The following CCBE1 variants were observed in gnomAD, a reference collection of about 807,000 sequenced individuals.
CCBE1 encodes the protein collagen and calcium binding EGF domains 1.
In CCBE1, 37 loss-of-function variants were observed where a neutral mutation model predicts 50.0. The observed-to-expected ratio is 0.74, with a 90% CI of 0.57 to 0.97. The LOEUF is 0.97. Ranked by LOEUF, CCBE1 falls within the 50% of genes least tolerant of loss-of-function variation. The pLI is 0.00. For missense variants in CCBE1, 538 were observed against 523.8 expected, an observed-to-expected ratio of 1.03 and a Z score of -0.26; for synonymous variants, 234 against 203.7, an observed-to-expected ratio of 1.15 and a Z score of -1.27.
At chr18:59,565,405 A>G (rs1456815451) in intron 2 of CCBE1, among the ~76,000 whole-genome samples, 3 of 107,868 alleles carry the variant, frequency 2.8e-5, no homozygotes, top group Non-Finnish European at 5.4e-5. Context: ...CCACAGCAAG[A>G]AAGATGTGGT....
intron 2 of CCBE1, among the ~76,000 whole-genome samples, chr18:59,541,148 T>A (rs1309920180): frequency 6.6e-6 from 1 of 152,224 alleles, no homozygotes; most frequent in Non-Finnish European, 1.5e-5. Flanking sequence ...TATGGTAGCT[T>A]TGCAAAACAC....
chr18:59,665,919 T>A (rs768643035), intron 2 of CCBE1, among the ~76,000 whole-genome samples: 15 of 152,150 alleles, frequency 9.9e-5, no homozygotes, highest in Non-Finnish European at 1.5e-4. Flanking sequence ...ATAGAATATA[T>A]CATGTACAAA....
At chr18:59,653,042 A>G (rs972497597) in intron 2 of CCBE1, among the ~76,000 whole-genome samples, 1 of 152,172 alleles carries the variant, frequency 6.6e-6, no homozygotes, top group African/African-American at 2.4e-5. Flanking sequence ...ATAGAAAACT[A>G]TGAAAAGGCA....
At chr18:59,535,634 A>T (rs1296152337) in intron 2 of CCBE1, among the ~76,000 whole-genome samples, 1 of 152,242 alleles carries the variant, frequency 6.6e-6, no homozygotes, top group African/African-American at 2.4e-5. Context: ...ATTTGGAAGC[A>T]ACCCAAATGT....
intron 2 of CCBE1, among the ~76,000 whole-genome samples, chr18:59,612,660 T>C (rs1424323674): frequency 6.6e-6 from 1 of 152,112 alleles, no homozygotes; most frequent in Non-Finnish European, 1.5e-5. Context: ...CACCAGCCAA[T>C]AAGTAATGGA....
intron 2 of CCBE1, among the ~76,000 whole-genome samples, chr18:59,671,708 G>C (rs1366885590): frequency 6.6e-6 from 1 of 151,050 alleles, no homozygotes; most frequent in Non-Finnish European, 1.5e-5. Context: ...TTGAGTGAGG[G>C]ATGAGGTGAT....
chr18:59,654,652 C>T (rs1599105250), intron 2 of CCBE1, among the ~76,000 whole-genome samples: 1 of 151,832 alleles, frequency 6.6e-6, no homozygotes, highest in East Asian at 1.9e-4. Flanking sequence ...ATTAGCCGGG[C>T]ATGGTCGCAC....
chr18:59,609,231 C>G (rs935062069), intron 2 of CCBE1, among the ~76,000 whole-genome samples: 2 of 152,212 alleles, frequency 1.3e-5, no homozygotes, highest in Non-Finnish European at 2.9e-5. Flanking sequence ...CATCTACTTC[C>G]TTGGCTTCAA....
chr18:59,559,111 C>G lies in CCBE1; in HGVS notation c.213-78873G>C, dbSNP rs118051458. The stretch of plus-strand genomic sequence containing the variant: ...TGGCTGCAGCATGGGCTATGGTACT[C>G]AGTGGCAGTGGTGCTGCTTGGATGA... On this transcript the variant is annotated intron_variant, in intron 2 of 10. Coordinates refer to ENST00000439986, the MANE Select transcript of CCBE1 (RefSeq NM_133459.4). Among the ~76,000 whole-genome samples, 391 of 152,308 alleles carry G rather than the reference C, an allele frequency of 2.6e-3. 12 individuals are homozygous for G. The South Asian group carries it at 0.041, about 16-fold the overall frequency.
chr18:59,485,443 T>C (rs1912769400), intron 2 of CCBE1, among the ~76,000 whole-genome samples: 1 of 152,018 alleles, frequency 6.6e-6, no homozygotes, highest in Admixed American at 6.6e-5. Context: ...TCCTATAGTA[T>C]TAGAAGACTA....
chr18:59,691,619 T>C lies in CCBE1; in HGVS notation c.212+5010A>G, dbSNP rs545130251. 2.6e-5 allele frequency among the ~76,000 whole-genome samples: 4 copies of C among 152,332 alleles called. No individual in the cohort carries two copies. The East Asian group carries it at 7.7e-4, about 29-fold the overall frequency. On this transcript the variant is annotated intron_variant, in intron 2 of 10. Coordinates refer to ENST00000439986, the MANE Select transcript of CCBE1 (RefSeq NM_133459.4). ...CGGGGTTTCACCATGTTGGCCAGGC[T>C]GGTCTCAAACTCCTGACCTCGTGAT...
chr18:59,610,759 G>A (rs572923293), intron 2 of CCBE1, among the ~76,000 whole-genome samples: 1 of 142,624 alleles, frequency 7.0e-6, no homozygotes, highest in African/African-American at 2.5e-5. Context: ...CATGAGGAAC[G>A]GAGCCTCACA....
At chr18:59,588,840 C>G (rs1387711878) in intron 2 of CCBE1, among the ~76,000 whole-genome samples, 2 of 152,152 alleles carry the variant, frequency 1.3e-5, no homozygotes, top group African/African-American at 4.8e-5. Flanking sequence ...AGTGGAAGAC[C>G]ACCTGTGAGG....
In CCBE1 at chr18:59,507,832, T is replaced by G. The variant is rs113022968; in HGVS notation, c.213-27594A>C. Among the ~76,000 whole-genome samples, 938 of 152,326 alleles carry G rather than the reference T, an allele frequency of 6.2e-3. 9 individuals are homozygous for G. The highest frequency in any genetic ancestry group is 0.021 in the African/African-American group (893 of 41,564). On this transcript the variant is annotated intron_variant, in intron 2 of 10. Coordinates refer to ENST00000439986, the MANE Select transcript of CCBE1 (RefSeq NM_133459.4). The stretch of plus-strand genomic sequence containing the variant: ...AACCTTTACATCTTTCCCTGTATCC[T>G]TATTTTCAAGATTAATTTGCAAGCA...
At chr18:59,554,464 C>A (rs1411361872) in intron 2 of CCBE1, among the ~76,000 whole-genome samples, 6 of 152,174 alleles carry the variant, frequency 3.9e-5, no homozygotes, top group African/African-American at 1.4e-4. Context: ...GATTATGCAG[C>A]ACAGACAAGG....
chr18:59,614,598 G>A lies in CCBE1; in HGVS notation c.212+82031C>T, dbSNP rs144189205. On this transcript the variant is annotated intron_variant, in intron 2 of 10. Coordinates refer to ENST00000439986, the MANE Select transcript of CCBE1 (RefSeq NM_133459.4). ...CTCAAGACCCATGCTATGGCGGCTA[G>A]TCAATGAAGCCCAGAAGGAAGGGCC... Among the ~76,000 whole-genome samples the A allele has an allele frequency of 1.5e-3, 227 of 152,308 alleles. 2 individuals carry two copies. Among genetic ancestry groups the A allele is most frequent in the African/African-American group, 5.1e-3 (214 of 41,566 alleles).
At chr18:59,469,912 CG>C (rs1029641961) in intron 3 of CCBE1, among the ~76,000 whole-genome samples, 3 of 152,138 alleles carry the variant, frequency 2.0e-5, no homozygotes, top group African/African-American at 7.2e-5. Flanking sequence ...CGGATTCCCT[CG>C]GGGTTGGGGG....
intron 7 of CCBE1, among the ~76,000 whole-genome samples, chr18:59,442,708 AC>A (rs1910490283): frequency 6.6e-6 from 1 of 152,202 alleles, no homozygotes; most frequent in African/African-American, 2.4e-5. Flanking sequence ...AGCCTAGGCA[AC>A]AGAATGAGAC....
Position 59,435,849 on chromosome 18 carries a change from G to A in CCBE1, c.*59C>T, listed in dbSNP as rs1265671909. Reference sequence around the variant, plus strand: ...CCAGTGGTCTTTCTTCTCTTTAGATGGTTTAACTGCAGGTGAGTTGATCTT... The same window carrying A: ...CCAGTGGTCTTTCTTCTCTTTAGATAGTTTAACTGCAGGTGAGTTGATCTT... On this transcript the variant is annotated 3_prime_UTR_variant, in exon 11 of 11. Transcript: ENST00000439986. 6 of 1,437,142 alleles carry A rather than the reference G, an allele frequency of 4.2e-6. No individual in the cohort carries two copies. Among genetic ancestry groups the A allele is most frequent in the Non-Finnish European group, 5.9e-6 (6 of 1,018,386 alleles). 89.0% of individuals were successfully genotyped at this position (1,437,142 alleles called of 1,614,324 possible). A position where few individuals can be genotyped will look rare whatever the true frequency, so the allele number is the denominator to read the frequency against.
Sources: gnomAD v4.1 joint callset for allele counts (sites outside exome capture counted in the v4.1 genomes callset) on GRCh38, gnomAD v4.1.1 for gene constraint, MANE v1.5 for transcripts, NCBI Gene and HGNC (gene_info 2026-07-23, HGNC 2026-07-21) for gene names.